LRGUK: variants seen among roughly 807,000 people sequenced by gnomAD.
The protein encoded by LRGUK is leucine-rich repeat and guanylate kinase domain-containing protein.
LRGUK carries 65 observed loss-of-function variants against 76.0 expected under a neutral mutation model. That is an observed-to-expected ratio of 0.85 (90% CI 0.70 to 1.05). The LOEUF (loss-of-function observed/expected upper bound fraction) is 1.05, where lower values mean the gene tolerates loss of function less well. Ranked by LOEUF, LRGUK falls within the 50% of genes least tolerant of loss-of-function variation. LRGUK has a pLI of 0.00. For missense variants in LRGUK, 758 were observed against 732.8 expected (o/e 1.03, Z -0.40); for synonymous variants, 268 against 265.6 (o/e 1.01, Z -0.09).
chr7:134,185,989 T>G (rs1443322983), intron 11 of LRGUK, among the ~76,000 whole-genome samples: 2 of 152,224 alleles, frequency 1.3e-5, no homozygotes, highest in East Asian at 3.8e-4. Flanking sequence ...TTTTAAAAGA[T>G]AAGCTGAACG....
intron 12 of LRGUK, among the ~76,000 whole-genome samples, chr7:134,194,874 G>A (rs539922246): frequency 1.1e-3 from 172 of 152,296 alleles, no homozygotes; most frequent in Non-Finnish European, 1.5e-3. Context: ...AGACAGAGCC[G>A]ATTTTTCAAG....
intron 12 of LRGUK, among the ~76,000 whole-genome samples, chr7:134,195,311 TC>T (rs1800433434): frequency 6.6e-6 from 1 of 152,174 alleles, no homozygotes; most frequent in South Asian, 2.1e-4. Context: ...GGCAGTCTAG[TC>T]CCCATGCAAG....
chr7:134,263,595 A>G (rs936376547), intron 19 of LRGUK, among the ~76,000 whole-genome samples: 1 of 141,374 alleles, frequency 7.1e-6, no homozygotes, highest in South Asian at 2.3e-4. Flanking sequence ...CTCATCCACT[A>G]TTATTCTTCC....
rs140085257 is a variant in LRGUK at position 134,219,270 on chromosome 7, A to C, written c.1844-2509A>C. On this transcript the variant is annotated intron_variant, in intron 15 of 19. Coordinates refer to the LRGUK transcript ENST00000285928. ...CTTTATTGTAGGAGTTCAAGTCGTT[A>C]AAGCGGCAGTATTACAATGTAGTTT... is the stretch of plus-strand genomic sequence containing the variant. Among the ~76,000 whole-genome samples the C allele has an allele frequency of 2.6e-4, 39 of 152,330 alleles. No homozygotes were observed. The East Asian group carries it at 6.2e-3, about 24-fold the overall frequency.
intron 1 of LRGUK, among the ~76,000 whole-genome samples, chr7:134,133,287 T>G (rs1585410077): frequency 6.6e-6 from 1 of 152,166 alleles, no homozygotes; most frequent in South Asian, 2.1e-4. Flanking sequence ...TAATACTATT[T>G]CTTGGCTTGC....
Position 134,247,656 on chromosome 7 carries a change from T to G in LRGUK, c.2072+12T>G. On this transcript the variant is annotated intron_variant, in intron 17 of 19. Coordinates refer to the LRGUK transcript ENST00000285928. ...CTCCTATTTCAAAGGTAGCAATTTATCACATGAGCAACTTTAGATTGATTT... is the reference window on the plus strand; with the variant it reads ...CTCCTATTTCAAAGGTAGCAATTTAGCACATGAGCAACTTTAGATTGATTT... 3 of 1,586,296 alleles carry G rather than the reference T, an allele frequency of 1.9e-6. No homozygotes were observed. The highest frequency in any genetic ancestry group is 2.6e-6 in the Non-Finnish European group (3 of 1,155,492).
At chr7:134,242,521 A>T (rs1352509238) in intron 16 of LRGUK, among the ~76,000 whole-genome samples, 1 of 152,232 alleles carries the variant, frequency 6.6e-6, no homozygotes, top group East Asian at 1.9e-4. Context: ...TGAATCCCTG[A>T]ATAGACCAAT....
chr7:134,184,231 C>CTTT (rs1407076773), intron 11 of LRGUK, among the ~76,000 whole-genome samples: 1 of 151,964 alleles, frequency 6.6e-6, no homozygotes, highest in Non-Finnish European at 1.5e-5. Flanking sequence ...AATAGAAGAA[C>CTTT]TTGCCATATA....
chr7:134,203,793 A>T (rs937746353), intron 15 of LRGUK, among the ~76,000 whole-genome samples: 14 of 152,218 alleles, frequency 9.2e-5, no homozygotes, highest in African/African-American at 3.4e-4. Context: ...TCGGTTCTTT[A>T]GAAAGCCATC....
In LRGUK at chr7:134,210,060, C is replaced by T. The variant is rs137924052; in HGVS notation, c.3197C>T (p.Pro1066Leu). The T allele has an allele frequency of 8.5e-3, 3,381 of 399,504 alleles. 20 individuals are homozygous for T. Among genetic ancestry groups the T allele is most frequent in the Non-Finnish European group, 0.011 (2,450 of 226,536 alleles). 24.7% of individuals were successfully genotyped at this position (399,504 alleles called of 1,614,324 possible). The change falls in exon 16 of 16, where the codon CCA (proline) becomes CTA (leucine). Residue 1066 changes from proline to leucine, a missense_variant. Pro to Leu is a moderately conservative substitution (Grantham distance 98, BLOSUM62 -3). Coordinates refer to ENST00000645682, the Ensembl canonical transcript of LRGUK. ...CGGGCCTCACCCCACAACCAGGGGC[C>T]ACTTCAGCAGACAGGGGCTAGGGAA... is the stretch of plus-strand genomic sequence containing the variant.
At chr7:134,221,909 A>C (rs775287585) in exon 16 of LRGUK, 5 of 1,595,640 alleles carry the variant, frequency 3.1e-6, no homozygotes, top group Non-Finnish European at 4.3e-6. Flanking sequence ...CAGCCAAAAA[A>C]ACACCAGCGG....
At chr7:134,270,360 A>C in the LRGUK span, among the ~76,000 whole-genome samples, 59 of 152,318 alleles carry the variant, frequency 3.9e-4, 1 homozygote, top group South Asian at 0.012. Flanking sequence ...TTAAAAAGGC[A>C]CAAGACTTAT....
At chr7:134,155,803 T>C (rs1434487361) in intron 5 of LRGUK, among the ~76,000 whole-genome samples, 1 of 152,226 alleles carries the variant, frequency 6.6e-6, no homozygotes, top group Non-Finnish European at 1.5e-5. Flanking sequence ...AAAAATCTAC[T>C]AAGTAGTAAA....
chr7:134,266,694 T>C (rs1361104933), downstream of LRGUK, among the ~76,000 whole-genome samples: 1 of 152,178 alleles, frequency 6.6e-6, no homozygotes, highest in African/African-American at 2.4e-5. Context: ...GTCATTGGAG[T>C]CTAGAGGAGT....
At chr7:134,149,907 C>T (rs1405075525) in intron 5 of LRGUK, among the ~76,000 whole-genome samples, 1 of 152,084 alleles carries the variant, frequency 6.6e-6, no homozygotes, top group Non-Finnish European at 1.5e-5. Flanking sequence ...CCATTGCAGA[C>T]CTAAGAAATC....
At chr7:134,266,377 G>C (rs376546584), downstream of LRGUK, among the ~76,000 whole-genome samples, 6 of 152,130 alleles carry the variant, frequency 3.9e-5, no homozygotes, top group South Asian at 1.2e-3. Flanking sequence ...CAAGCAATTA[G>C]GAACATGACT....
At chr7:134,232,740 T>C (rs995053292) in intron 16 of LRGUK, among the ~76,000 whole-genome samples, 1 of 152,204 alleles carries the variant, frequency 6.6e-6, no homozygotes, top group Non-Finnish European at 1.5e-5. Flanking sequence ...TTTATAAATA[T>C]ACAATTCTTT....
chr7:134,226,218 A>ATGTGTGTG (rs57035440), intron 16 of LRGUK, among the ~76,000 whole-genome samples: 5,668 of 141,658 alleles, frequency 0.04, 353 homozygotes, highest in African/African-American at 0.13. Flanking sequence ...CCCATCTCCA[A>ATGTGTGTG]TGTGTGTGTG....
At chr7:134,151,557 C>G (rs963820042) in intron 5 of LRGUK, among the ~76,000 whole-genome samples, 17 of 151,970 alleles carry the variant, frequency 1.1e-4, no homozygotes, top group Admixed American at 1.0e-3. Flanking sequence ...ACTTTGATAT[C>G]TAAGCCAGCC....
Sources: allele counts gnomAD v4.1 joint callset (sites outside exome capture counted in the v4.1 genomes callset), GRCh38; gene constraint gnomAD v4.1.1; transcripts MANE v1.5; gene names NCBI Gene and HGNC (gene_info 2026-07-23, HGNC 2026-07-21).